The following DACH2 variants were observed in gnomAD, a reference collection of about 807,000 sequenced individuals.
DACH2 encodes the protein dachshund family transcription factor 2, also known as dachshund homolog 2.
A neutral mutation model predicts 35.8 loss-of-function variants in DACH2; 17 were observed. The ratio of observed to expected loss-of-function variants is 0.48; its 90% CI spans 0.33 to 0.71. DACH2 has a LOEUF of 0.71. Ranked by LOEUF, DACH2 falls within the 30% of genes least tolerant of loss-of-function variation. The pLI is 0.02. For synonymous variants in DACH2, 195 were observed against 177.3 expected, an observed-to-expected ratio of 1.10 and a Z score of -0.79; for missense variants, 469 against 472.7, an observed-to-expected ratio of 0.99 and a Z score of 0.07.
chrX:86,663,007 AAAT>A (rs2040624661), intron 4 of DACH2, among the ~76,000 whole-genome samples: 1 of 112,091 alleles, frequency 8.9e-6, no homozygotes, highest in Non-Finnish European at 1.9e-5. Context: ...ATTGTACTAT[AAAT>A]AATAAAACAA....
At chrX:86,810,868 G>C (rs1340811404) in intron 7 of DACH2, among the ~76,000 whole-genome samples, 1 of 111,181 alleles carries the variant, frequency 9.0e-6, no homozygotes. Context: ...AAAAAGTAGA[G>C]AGGCAAATGT....
At chrX:86,672,649 G>T (rs1227232377) in intron 4 of DACH2, among the ~76,000 whole-genome samples, 1 of 112,200 alleles carries the variant, frequency 8.9e-6, no homozygotes, top group Non-Finnish European at 1.9e-5. Context: ...AAGAGTTGAG[G>T]CTTGGGGGCC....
chrX:86,445,566 C>CAAAAAAAAAA lies in DACH2; in HGVS notation c.528-68707_528-68698dup, dbSNP rs34980646. 1.9e-3 allele frequency among the ~76,000 whole-genome samples: 93 copies of CAAAAAAAAAA among 48,081 alleles called. 1 individual carries two copies. Among genetic ancestry groups the CAAAAAAAAAA allele is most frequent in the African/African-American group, 7.8e-3 (88 of 11,254 alleles). The allele number at this position is 48,081 out of a possible 115,157, so 41.8% of individuals were successfully genotyped here. On this transcript the variant is annotated intron_variant, in intron 2 of 11. Transcript: ENST00000373125. The stretch of plus-strand genomic sequence containing the variant: ...AAAAAGAAACTACCATCAGAGTGAA[C>CAAAAAAAAAA]AAAAAAAAAAAAAAAGAAATTTTTA...
In DACH2 at chrX:86,443,835, C is replaced by T. The variant is rs183929422; in HGVS notation, c.527+66973C>T. ...GCATATATTGAAACATACTTGCATG[C>T]CTGGGATGAATCCAACTTAATCGTG... On this transcript the variant is annotated intron_variant, in intron 2 of 11. Transcript: ENST00000373125. Among the ~76,000 whole-genome samples the T allele has an allele frequency of 8.1e-5, 9 of 111,739 alleles. No individual in the cohort carries two copies. In the East Asian group the frequency reaches 2.5e-3, roughly 32 times the overall value.
chrX:86,159,613 A>G, intron 1 of DACH2, among the ~76,000 whole-genome samples: 1 of 112,025 alleles, frequency 8.9e-6, no homozygotes, highest in East Asian at 2.8e-4. Flanking sequence ...TTCCAATTCA[A>G]TTCATTTCAA....
intron 5 of DACH2, among the ~76,000 whole-genome samples, chrX:86,696,626 A>G (rs1240146130): frequency 8.9e-6 from 1 of 111,830 alleles, no homozygotes; most frequent in Non-Finnish European, 1.9e-5. Context: ...ACCATGCTGG[A>G]AACTAGAGAG....
chrX:86,792,387 C>T (rs758060888), intron 7 of DACH2, among the ~76,000 whole-genome samples: 3 of 111,666 alleles, frequency 2.7e-5, no homozygotes, highest in Non-Finnish European at 3.8e-5. Flanking sequence ...ATTTCAAGTG[C>T]TCTCTTCTAG....
chrX:86,758,035 G>A (rs558237549), intron 7 of DACH2, among the ~76,000 whole-genome samples: 342 of 111,710 alleles, frequency 3.1e-3, no homozygotes, highest in Middle Eastern at 0.023. Flanking sequence ...AGGTTTTTCA[G>A]TTTGTTAGTG....
At chrX:86,688,392 G>C (rs1401919718) in intron 4 of DACH2, among the ~76,000 whole-genome samples, 2 of 111,777 alleles carry the variant, frequency 1.8e-5, no homozygotes, top group Admixed American at 9.5e-5. Flanking sequence ...TAATGTGAGA[G>C]AGTAATGAGG....
chrX:86,356,080 A>G (rs1040781702), intron 1 of DACH2, among the ~76,000 whole-genome samples: 2 of 111,099 alleles, frequency 1.8e-5, no homozygotes, highest in Non-Finnish European at 3.8e-5. Context: ...AATTGCTTTC[A>G]GTGTGTTCAT....
chrX:86,588,128 C>A (rs1448976097), intron 3 of DACH2, among the ~76,000 whole-genome samples: 1 of 111,043 alleles, frequency 9.0e-6, no homozygotes, highest in African/African-American at 3.3e-5. Flanking sequence ...AATAGGTAGT[C>A]ATTTTCCTGT....
intron 1 of DACH2, among the ~76,000 whole-genome samples, chrX:86,292,731 C>T (rs146122845): frequency 0.1 from 11,208 of 111,164 alleles, 596 homozygotes; most frequent in South Asian, 0.25. Context: ...TGTAGTTGAG[C>T]GGTTTTGAGT....
At chrX:86,200,827 ATTGT>A (rs2032135352) in intron 1 of DACH2, among the ~76,000 whole-genome samples, 1 of 111,212 alleles carries the variant, frequency 9.0e-6, no homozygotes, top group Admixed American at 9.6e-5. Flanking sequence ...ATGGTTATAC[ATTGT>A]TTGTGGGAGT....
In DACH2 at chrX:86,286,132, T is replaced by A. The variant is rs1262120581; in HGVS notation, c.489-90692T>A. Among the ~76,000 whole-genome samples, 6 of 4,797 alleles carry A rather than the reference T, an allele frequency of 1.3e-3. No homozygotes were observed. The East Asian group carries it at 0.091, about 73-fold the overall frequency. The allele number at this position is 4,797 out of a possible 115,157, so 4.2% of individuals were successfully genotyped here. A position where few individuals can be genotyped will look rare whatever the true frequency, so the allele number is the denominator to read the frequency against. ...GCCAGTCTGTTTTTTTTTTTTTTTT[T>A]TTTTTTTGAGACGGATCTCGCTCTG... On this transcript the variant is annotated intron_variant, in intron 1 of 11. Transcript: ENST00000373125.
chrX:86,469,898 A>T (rs180818949), intron 2 of DACH2, among the ~76,000 whole-genome samples: 1,812 of 109,318 alleles, frequency 0.017, 18 homozygotes, highest in Non-Finnish European at 0.025. Flanking sequence ...TAGATCTGTA[A>T]TAAGTGCTAA....
At chrX:86,687,985 T>C (rs2148438927) in intron 4 of DACH2, among the ~76,000 whole-genome samples, 1 of 110,623 alleles carries the variant, frequency 9.0e-6, no homozygotes, top group Non-Finnish European at 1.9e-5. Context: ...GGCAAGTGTA[T>C]ACCTATGTAA....
intron 4 of DACH2, among the ~76,000 whole-genome samples, chrX:86,680,503 A>G (rs903639971): frequency 1.8e-5 from 2 of 111,849 alleles, no homozygotes; most frequent in African/African-American, 3.2e-5. Flanking sequence ...TTGAATGACC[A>G]TTTGGAAAGC....
chrX:86,348,798 G>T (rs1272691038), intron 1 of DACH2, among the ~76,000 whole-genome samples: 1 of 112,441 alleles, frequency 8.9e-6, no homozygotes, highest in East Asian at 2.8e-4. Context: ...AACAGGGAAA[G>T]TTCCCTTGTT....
chrX:86,481,698 A>T (rs2037937810), intron 2 of DACH2: 1 of 112,149 alleles, frequency 8.9e-6, no homozygotes, highest in Non-Finnish European at 1.9e-5. Flanking sequence ...ACAAGTTTAC[A>T]TTGTGCTCAC....
Sources: gnomAD v4.1 joint callset for allele counts (sites outside exome capture counted in the v4.1 genomes callset) on GRCh38, gnomAD v4.1.1 for gene constraint, MANE v1.5 for transcripts, NCBI Gene and HGNC (gene_info 2026-07-23, HGNC 2026-07-21) for gene names.